Variants in FAM107A observed in about 807,000 individuals in gnomAD.
FAM107A encodes actin-associated protein FAM107A.
A neutral mutation model predicts 13.7 loss-of-function variants in FAM107A; 19 were observed. The ratio of observed to expected loss-of-function variants is 1.38; its 90% confidence interval spans 0.97 to 2.03. FAM107A has a LOEUF of 2.03. FAM107A is among the 30% of genes most tolerant of loss of function. FAM107A has a pLI of 0.00. For missense variants in FAM107A, 203 were observed against 184.4 expected (o/e 1.10, Z -0.58); for synonymous variants, 82 against 74.5 (o/e 1.10, Z -0.52).
intron 1 of FAM107A, among the ~76,000 whole-genome samples, chr3:58,573,863 C>G (rs2063708392): frequency 6.6e-6 from 1 of 152,222 alleles, no homozygotes; most frequent in Admixed American, 6.5e-5. Flanking sequence ...ATGGCTGTTT[C>G]CCACTGAACA....
intron 3 of FAM107A, 176 bp from the exon 4 acceptor site, chr3:58,566,871 T>C (rs1247313073): frequency 2.3e-5 from 14 of 617,320 alleles, no homozygotes; most frequent in Non-Finnish European, 3.7e-5. Flanking sequence ...GTTCTCCTTG[T>C]GCAGCCTGGT....
At chr3:58,579,709 C>G (rs1228637203), upstream of FAM107A, among the ~76,000 whole-genome samples, 2 of 152,308 alleles carry the variant, frequency 1.3e-5, no homozygotes, top group Admixed American at 6.5e-5. Context: ...GAACTTCTGA[C>G]AGCTCCTGCT....
chr3:58,602,219 C>T (rs1227832502), intron 1 of FAM107A, among the ~76,000 whole-genome samples: 4 of 152,142 alleles, frequency 2.6e-5, no homozygotes, highest in Non-Finnish European at 5.9e-5. Flanking sequence ...GAAAGATGCT[C>T]TGCCTCCCCA....
rs1443725555 is a variant in FAM107A, at chr3:58,604,127, G to A, written c.-69-14858C>T. Among the ~76,000 whole-genome samples, 1 of 151,712 alleles carries A rather than the reference G, an allele frequency of 6.6e-6. No individual in the cohort carries two copies. The highest frequency in any genetic ancestry group is 2.4e-5 in the African/African-American group (1 of 41,240). ...TCCACCTGGGCTTTTGAAGGAGGGAGCCACAAAAAGCCTTTGTGTTTCTGT... is the reference window on the plus strand; with the variant it reads ...TCCACCTGGGCTTTTGAAGGAGGGAACCACAAAAAGCCTTTGTGTTTCTGT... On this transcript the variant is annotated intron_variant, in intron 1 of 3. Transcript: ENST00000465970. The surrounding 1 kb of genome is among the most constrained non-coding windows in gnomAD (Gnocchi z 4.1).
At chr3:58,611,910 T>C (rs1451378657) in intron 1 of FAM107A, among the ~76,000 whole-genome samples, 1 of 152,230 alleles carries the variant, frequency 6.6e-6, no homozygotes, top group Non-Finnish European at 1.5e-5. Context: ...GCCAAACTGC[T>C]CTGGGTGAGA....
At chr3:58,614,544 G>A (rs934127898) in intron 1 of FAM107A, among the ~76,000 whole-genome samples, 17 of 141,008 alleles carry the variant, frequency 1.2e-4, no homozygotes, top group African/African-American at 4.3e-4. Flanking sequence ...TGCTCTTCTC[G>A]CTCAGGCTAG....
At chr3:58,605,049 G>A (rs2065781516) in intron 1 of FAM107A, among the ~76,000 whole-genome samples, 1 of 152,186 alleles carries the variant, frequency 6.6e-6, no homozygotes, top group South Asian at 2.1e-4. Context: ...CTTTAACTTG[G>A]TAGGACTCAC....
chr3:58,604,525 T>C lies in FAM107A; in HGVS notation c.-69-15256A>G, dbSNP rs2065777228. On this transcript the variant is annotated intron_variant, in intron 1 of 3. Coordinates refer to the FAM107A transcript ENST00000465970. The surrounding 1 kb of genome is among the most constrained non-coding windows in gnomAD (Gnocchi z 4.1). ...AGTGAGTTAGTGGCAGGGTCATAAC[T>C]TGTTTCTCTCATTGTTGCACGTGAC... Among the ~76,000 whole-genome samples the C allele has an allele frequency of 6.6e-6, 1 of 152,134 alleles. No individual in the cohort carries two copies. The highest frequency in any genetic ancestry group is 6.5e-5 in the Admixed American group (1 of 15,286).
chr3:58,600,985 G>T (rs2065748534), intron 1 of FAM107A, among the ~76,000 whole-genome samples: 1 of 152,146 alleles, frequency 6.6e-6, no homozygotes, highest in Admixed American at 6.5e-5. Context: ...CTTAACCTAA[G>T]ACTCAGGTTC....
intron 1 of FAM107A, among the ~76,000 whole-genome samples, chr3:58,572,976 A>C (rs1307219903): frequency 6.6e-6 from 1 of 152,182 alleles, no homozygotes; most frequent in Non-Finnish European, 1.5e-5. Flanking sequence ...CCTGTCAATT[A>C]TGAAGCCAGT....
At chr3:58,601,293 A>G (rs2065750801) in intron 1 of FAM107A, among the ~76,000 whole-genome samples, 1 of 152,170 alleles carries the variant, frequency 6.6e-6, no homozygotes, top group South Asian at 2.1e-4. Flanking sequence ...GAAAAAACTG[A>G]TGTAAGTAAT....
intron 1 of FAM107A, among the ~76,000 whole-genome samples, chr3:58,619,528 T>G (rs2065933845): frequency 6.6e-6 from 1 of 152,198 alleles, no homozygotes. Context: ...CAGATGCTGT[T>G]GCCTGCTGGA....
At chr3:58,600,601 T>G (rs2065745397) in intron 1 of FAM107A, among the ~76,000 whole-genome samples, 2 of 152,250 alleles carry the variant, frequency 1.3e-5, no homozygotes, top group Non-Finnish European at 2.9e-5. Flanking sequence ...TAGAATGTTC[T>G]GAGAGGATGG....
upstream of FAM107A, among the ~76,000 whole-genome samples, chr3:58,578,078 T>A (rs772302076): frequency 6.6e-6 from 1 of 152,162 alleles, no homozygotes; most frequent in Non-Finnish European, 1.5e-5. Flanking sequence ...ATGTGGAGCA[T>A]ACCAGGGTGG....
At chr3:58,607,585 T>C (rs1382204359) in intron 1 of FAM107A, 1 of 76,080 alleles carries the variant, frequency 1.3e-5, no homozygotes, top group African/African-American at 4.4e-5. Context: ...TATGTGTGTA[T>C]ACGTGTGCAT....
chr3:58,586,763 C>T (rs1391283300), intron 1 of FAM107A: 1 of 1,261,816 alleles, frequency 7.9e-7, no homozygotes, highest in African/African-American at 1.6e-5. Flanking sequence ...GAAGCAGAGG[C>T]GCCCAGCGGC....
Position 58,565,340 on chromosome 3 carries a change from G to A in FAM107A, c.*1248C>T, listed in dbSNP as rs2063609130. 1 of 151,320 alleles carries A rather than the reference G, an allele frequency of 6.6e-6. No homozygotes were observed. Among genetic ancestry groups the A allele is most frequent in the Admixed American group, 6.6e-5 (1 of 15,154 alleles). The allele number at this position is 151,320 out of a possible 1,614,324, so 9.4% of individuals were successfully genotyped here. On this transcript the variant is annotated 3_prime_UTR_variant, in exon 4 of 4. Coordinates refer to ENST00000360997, the MANE Select transcript of FAM107A (RefSeq NM_001076778.3). ...AAGGGGCCAGTCCATAAAGGTGGCA[G>A]TGGGGTCTTCAAACCACTGTTTCTA...
chr3:58,602,119 G>T (rs926323653), intron 1 of FAM107A, among the ~76,000 whole-genome samples: 1 of 152,160 alleles, frequency 6.6e-6, no homozygotes, highest in South Asian at 2.1e-4. Flanking sequence ...GGCAGGGAAG[G>T]GGGAAGAGAG....
At chr3:58,609,649 G>A (rs900871) in intron 1 of FAM107A, among the ~76,000 whole-genome samples, 133,950 of 152,070 alleles carry the variant, frequency 0.88, 59,049 homozygotes, top group Admixed American at 0.91. Context: ...TCCTACAGCC[G>A]CTTTTTGTTT....
Sources: allele counts gnomAD v4.1 joint callset (sites outside exome capture counted in the v4.1 genomes callset), GRCh38; gene constraint gnomAD v4.1.1; non-coding constraint Gnocchi (gnomAD v3.1); transcripts MANE v1.5; gene names NCBI Gene and HGNC (gene_info 2026-07-23, HGNC 2026-07-21).